Variants in CACNA1E observed in about 807,000 individuals in gnomAD.
The protein encoded by CACNA1E is calcium voltage-gated channel subunit alpha1 E.
Under a neutral mutation model 259.2 loss-of-function variants are expected in CACNA1E, and 40 were observed. The ratio of observed to expected loss-of-function variants is 0.15; its 90% CI spans 0.12 to 0.20. CACNA1E has a LOEUF of 0.20. Among genes scored for constraint, CACNA1E ranks in the 10% least tolerant of loss-of-function variants. CACNA1E has a pLI of 1.00. For synonymous variants in CACNA1E, 1,104 were observed against 1,138.5 expected (o/e 0.97, Z 0.61); for missense variants, 1,874 against 3,040.1 (o/e 0.62, Z 9.02).
intron 6 of CACNA1E, among the ~76,000 whole-genome samples, chr1:181,588,602 T>G (rs1011290057): frequency 5.3e-5 from 8 of 152,246 alleles, no homozygotes; most frequent in Non-Finnish European, 1.2e-4. Flanking sequence ...GTGCTAAGTG[T>G]GCCTCCTGAT....
intron 6 of CACNA1E, among the ~76,000 whole-genome samples, chr1:181,594,074 G>A (rs1339354001): frequency 2.0e-5 from 3 of 152,118 alleles, no homozygotes; most frequent in East Asian, 1.9e-4. Context: ...ATCATTGCGA[G>A]CATAGATATT....
At chr1:181,728,443 T>C (rs1378090827) in intron 18 of CACNA1E, among the ~76,000 whole-genome samples, 1 of 152,218 alleles carries the variant, frequency 6.6e-6, no homozygotes, top group Non-Finnish European at 1.5e-5. Flanking sequence ...AGACCCGGGC[T>C]TTGGTGCTGT....
In CACNA1E at chr1:181,758,725, G is replaced by T; in HGVS notation, c.4495-33G>T. Reference sequence around the variant, plus strand: ...ATTCCCCCTCTTACCTTAAGGCTGTGATTCTTTCTCTCTTCTTTTTTCTTC... The same window carrying T: ...ATTCCCCCTCTTACCTTAAGGCTGTTATTCTTTCTCTCTTCTTTTTTCTTC... On this transcript the variant is annotated intron_variant, in intron 31 of 47. Coordinates refer to ENST00000367573, the MANE Select transcript of CACNA1E (RefSeq NM_001205293.3). This position sits in a 1 kb window ranked among gnomAD's most constrained non-coding sequence, Gnocchi z 4.2. 1 of 1,250,872 alleles carries T rather than the reference G, an allele frequency of 8.0e-7. No homozygotes were observed. The highest frequency in any genetic ancestry group is 1.2e-6 in the Non-Finnish European group (1 of 854,672). 77.5% of individuals were successfully genotyped at this position (1,250,872 alleles called of 1,614,324 possible).
In CACNA1E at chr1:181,383,294, A is replaced by G. The variant is rs191808467; in HGVS notation, c.-14-29839A>G. On this transcript the variant is annotated intron_variant, in intron 1 of 11. Transcript: ENST00000524607. ...CTCATGCATATAGCACAGTCCAGTG[A>G]AGGTTGTTTAATTGAACTCATTCAA... Among the ~76,000 whole-genome samples, 133 of 152,326 alleles carry G rather than the reference A, an allele frequency of 8.7e-4. 1 individual carries two copies. Among genetic ancestry groups the G allele is most frequent in the South Asian group, 5.4e-3 (26 of 4,832 alleles).
At chr1:181,694,552 C>T (rs893257323) in intron 7 of CACNA1E, among the ~76,000 whole-genome samples, 4 of 152,162 alleles carry the variant, frequency 2.6e-5, no homozygotes, top group Admixed American at 6.6e-5. Context: ...CTTTCCCATG[C>T]TCTGTTGCAT....
intron 1 of CACNA1E, among the ~76,000 whole-genome samples, chr1:181,508,851 G>A (rs1245379623): frequency 6.6e-6 from 1 of 152,196 alleles, no homozygotes; most frequent in Non-Finnish European, 1.5e-5. Context: ...TCCCCTCTGA[G>A]TGGGAGGGTT....
At chr1:181,557,399 T>C (rs1274290074) in intron 3 of CACNA1E, among the ~76,000 whole-genome samples, 2 of 152,218 alleles carry the variant, frequency 1.3e-5, no homozygotes, top group Non-Finnish European at 2.9e-5. Context: ...GCTCTAACCT[T>C]ACTGTGATCA....
At chr1:181,487,804 G>A (rs1432528624) in intron 1 of CACNA1E, among the ~76,000 whole-genome samples, 1 of 152,200 alleles carries the variant, frequency 6.6e-6, no homozygotes, top group Admixed American at 6.5e-5. Context: ...GGTCACGGGT[G>A]TGAAGGCAAG....
chr1:181,627,910 G>A (rs570986449), intron 6 of CACNA1E, among the ~76,000 whole-genome samples: 39 of 152,266 alleles, frequency 2.6e-4, no homozygotes, highest in Admixed American at 2.1e-3. Context: ...TAGTATTAAA[G>A]GGAAGTAATT....
Position 181,803,615 on chromosome 1 carries a change from G to C in CACNA1E, c.*4781G>C, listed in dbSNP as rs1435678143. 1 of 152,238 alleles carries C rather than the reference G, an allele frequency of 6.6e-6. No homozygotes were observed. Among genetic ancestry groups the C allele is most frequent in the African/African-American group, 2.4e-5 (1 of 41,450 alleles). The allele number at this position is 152,238 out of a possible 1,614,324, so 9.4% of individuals were successfully genotyped here. On this transcript the variant is annotated 3_prime_UTR_variant, in exon 48 of 48. Coordinates refer to ENST00000367573, the MANE Select transcript of CACNA1E (RefSeq NM_001205293.3). ...CTCGGCTGCAGACCTATGGTGTTTT[G>C]TCAGCTGTTAGGTGCTACAGCCCAC...
intron 24 of CACNA1E, among the ~76,000 whole-genome samples, chr1:181,738,825 C>T (rs1656300150): frequency 6.6e-6 from 1 of 152,212 alleles, no homozygotes; most frequent in South Asian, 2.1e-4. Context: ...GTCTTGTTCC[C>T]AGCCTCATCC....
At chr1:181,619,320 C>T (rs1234243984) in intron 6 of CACNA1E, among the ~76,000 whole-genome samples, 2 of 151,920 alleles carry the variant, frequency 1.3e-5, no homozygotes, top group Non-Finnish European at 2.9e-5. Context: ...ATCTGGGGAA[C>T]AAGCATTTTG....
intron 1 of CACNA1E, among the ~76,000 whole-genome samples, chr1:181,484,775 C>T (rs1461726967): frequency 6.6e-6 from 1 of 152,208 alleles, no homozygotes; most frequent in African/African-American, 2.4e-5. Flanking sequence ...TGATTGCTCT[C>T]CCAGTATCCA....
At chr1:181,569,914 A>G (rs1474507334) in intron 3 of CACNA1E, among the ~76,000 whole-genome samples, 3 of 152,026 alleles carry the variant, frequency 2.0e-5, no homozygotes, top group African/African-American at 7.2e-5. Context: ...GTTCTAAGAT[A>G]TAAGAACTGT....
chr1:181,738,065 C>T (rs1052410072), intron 23 of CACNA1E, among the ~76,000 whole-genome samples: 3 of 152,202 alleles, frequency 2.0e-5, no homozygotes, highest in Non-Finnish European at 4.4e-5. Context: ...AGGTCCCGAG[C>T]CTGAACTAAG....
At chr1:181,621,944 A>C (rs1655764853) in intron 6 of CACNA1E, among the ~76,000 whole-genome samples, 1 of 152,150 alleles carries the variant, frequency 6.6e-6, no homozygotes, top group Admixed American at 6.5e-5. Flanking sequence ...CCATGAGTGC[A>C]TCCCTTCCTC....
intron 35 of CACNA1E, among the ~76,000 whole-genome samples, chr1:181,767,432 T>C (rs1440152203): frequency 6.6e-6 from 1 of 152,190 alleles, no homozygotes; most frequent in Non-Finnish European, 1.5e-5. Context: ...CTTGGAGATA[T>C]TGTGACTAGA....
At chr1:181,396,146 T>C (rs1656667592) in intron 1 of CACNA1E, among the ~76,000 whole-genome samples, 1 of 152,190 alleles carries the variant, frequency 6.6e-6, no homozygotes, top group Admixed American at 6.5e-5. Flanking sequence ...CTGAGTGGCC[T>C]CATGACATAG....
chr1:181,364,404 A>G (rs1045710234), intron 1 of CACNA1E, among the ~76,000 whole-genome samples: 1 of 152,138 alleles, frequency 6.6e-6, no homozygotes, highest in African/African-American at 2.4e-5. Flanking sequence ...CCGATTCATC[A>G]TGAGTGGGTC....
Sources: gnomAD v4.1 joint callset for allele counts (sites outside exome capture counted in the v4.1 genomes callset) on GRCh38, gnomAD v4.1.1 for gene constraint, Gnocchi (gnomAD v3.1) non-coding constraint, MANE v1.5 for transcripts, NCBI Gene and HGNC (gene_info 2026-07-23, HGNC 2026-07-21) for gene names.